Variants in TMTC2 observed in about 807,000 individuals in gnomAD.
TMTC2 encodes protein O-mannosyl-transferase TMTC2.
In TMTC2, 43 loss-of-function variants were observed where a neutral mutation model predicts 82.4. The observed-to-expected ratio is 0.52, with a 90% CI of 0.41 to 0.67. TMTC2 has a LOEUF of 0.67. TMTC2 is among the 30% of genes least tolerant of loss of function. The pLI is 0.00. For synonymous variants in TMTC2, 408 were observed against 381.9 expected (o/e 1.07, Z -0.80); for missense variants, 919 against 1,012.4 (o/e 0.91, Z 1.25).
intron 4 of TMTC2, among the ~76,000 whole-genome samples, chr12:82,942,790 A>G (rs1439243473): frequency 1.3e-5 from 2 of 152,194 alleles, no homozygotes; most frequent in African/African-American, 4.8e-5. Flanking sequence ...GAAGTCAGAA[A>G]GGATTTTATG....
At chr12:83,122,834 C>G (rs1171520928) in intron 11 of TMTC2, among the ~76,000 whole-genome samples, 2 of 152,170 alleles carry the variant, frequency 1.3e-5, no homozygotes, top group Non-Finnish European at 2.9e-5. Context: ...TCTAGTCCTG[C>G]CTCCCGTCTG....
intron 9 of TMTC2, among the ~76,000 whole-genome samples, chr12:83,035,049 T>A (rs747470344): frequency 2.6e-5 from 4 of 152,192 alleles, no homozygotes; most frequent in Non-Finnish European, 4.4e-5. Context: ...CAAATGCCAA[T>A]GAAAGTGCCA....
In TMTC2 at chr12:82,883,949, G is replaced by C. The variant is rs190870005; in HGVS notation, c.655-11869G>C. 2.4e-3 allele frequency among the ~76,000 whole-genome samples: 364 copies of C among 152,236 alleles called. 1 individual carries two copies. The highest frequency in any genetic ancestry group is 0.017 in the Middle Eastern group (5 of 294). ...TTCTTCACATATTTTCTTCATAAAG[G>C]CTGGATTGTTTTGTGGCTACCCTGA... On this transcript the variant is annotated intron_variant, in intron 2 of 11. Coordinates refer to ENST00000321196, the MANE Select transcript of TMTC2 (RefSeq NM_152588.3).
intron 11 of TMTC2, among the ~76,000 whole-genome samples, chr12:83,071,612 G>A (rs1042267718): frequency 1.3e-5 from 2 of 152,138 alleles, no homozygotes; most frequent in African/African-American, 4.8e-5. Flanking sequence ...ATTCTGCTGT[G>A]AATCTGTCTG....
chr12:83,106,131 A>G (rs1884384785), intron 11 of TMTC2, among the ~76,000 whole-genome samples: 1 of 152,338 alleles, frequency 6.6e-6, no homozygotes, highest in Non-Finnish European at 1.5e-5. Context: ...ACAGCGAAGG[A>G]AAATCAGGAA....
intron 4 of TMTC2, among the ~76,000 whole-genome samples, 175 bp downstream of exon 4, chr12:82,930,720 G>T (rs10746259): frequency 0.66 from 100,081 of 151,922 alleles, 34,650 homozygotes; most frequent in South Asian, 0.82. Context: ...CTTTGTTTCG[G>T]GCCACATCAT....
chr12:82,996,406 C>A (rs1312357927), intron 8 of TMTC2, among the ~76,000 whole-genome samples: 1 of 152,120 alleles, frequency 6.6e-6, no homozygotes, highest in Non-Finnish European at 1.5e-5. Context: ...CACTTACCTG[C>A]CTAGTAATTG....
chr12:83,075,578 T>G (rs1883261621), intron 11 of TMTC2, among the ~76,000 whole-genome samples: 1 of 152,224 alleles, frequency 6.6e-6, no homozygotes, highest in African/African-American at 2.4e-5. Flanking sequence ...CTTAGGTTTA[T>G]TCACACTTAC....
intron 8 of TMTC2, among the ~76,000 whole-genome samples, chr12:82,987,126 A>G (rs1413225738): frequency 6.6e-6 from 1 of 152,170 alleles, no homozygotes; most frequent in Non-Finnish European, 1.5e-5. Flanking sequence ...TATAATTGTC[A>G]AATATCCATT....
chr12:83,052,790 A>G (rs1203157001), intron 10 of TMTC2, among the ~76,000 whole-genome samples: 1 of 152,120 alleles, frequency 6.6e-6, no homozygotes, highest in East Asian at 1.9e-4. Context: ...GCTAGAAACC[A>G]GTGGAAAGTT....
intron 7 of TMTC2, among the ~76,000 whole-genome samples, chr12:82,970,452 C>T (rs1474168658): frequency 6.6e-6 from 1 of 151,608 alleles, no homozygotes; most frequent in Non-Finnish European, 1.5e-5. Context: ...CTGCCTCAGC[C>T]TCCCGAGTAG....
intron 11 of TMTC2, among the ~76,000 whole-genome samples, chr12:83,094,844 G>A (rs1463795362): frequency 6.6e-6 from 1 of 152,170 alleles, no homozygotes; most frequent in African/African-American, 2.4e-5. Flanking sequence ...ATATCTGATG[G>A]GAAAGAAAAT....
chr12:83,065,436 TAA>T (rs1173921242), intron 11 of TMTC2, among the ~76,000 whole-genome samples: 3 of 151,918 alleles, frequency 2.0e-5, no homozygotes, highest in Non-Finnish European at 4.4e-5. Context: ...CAGAGATGTT[TAA>T]TACCTTGTTG....
chr12:82,871,531 T>C (rs530742108), intron 2 of TMTC2, among the ~76,000 whole-genome samples: 1 of 152,292 alleles, frequency 6.6e-6, no homozygotes, highest in East Asian at 1.9e-4. Flanking sequence ...CAGACATGTA[T>C]ACAATAACTG....
At chr12:82,739,880 A>G (rs1875310715) in intron 1 of TMTC2, among the ~76,000 whole-genome samples, 1 of 151,378 alleles carries the variant, frequency 6.6e-6, no homozygotes, top group African/African-American at 2.4e-5. Context: ...TTGTAGAACC[A>G]GTATTGTTGT....
intron 1 of TMTC2, among the ~76,000 whole-genome samples, chr12:82,855,520 T>C (rs1871221274): frequency 6.6e-6 from 1 of 152,172 alleles, no homozygotes; most frequent in Non-Finnish European, 1.5e-5. Flanking sequence ...AGCCCTGATA[T>C]CAGACTAGGC....
At chr12:82,881,670 C>T (rs1170476448) in intron 2 of TMTC2, among the ~76,000 whole-genome samples, 1 of 152,188 alleles carries the variant, frequency 6.6e-6, no homozygotes, top group African/African-American at 2.4e-5. Flanking sequence ...GTCAACATAA[C>T]ATGAAATACT....
At chr12:83,017,988 T>C (rs921304420) in intron 8 of TMTC2, among the ~76,000 whole-genome samples, 1 of 148,666 alleles carries the variant, frequency 6.7e-6, no homozygotes, top group Non-Finnish European at 1.5e-5. Context: ...ATGTTCTTAA[T>C]AGCTGAAGCT....
intron 10 of TMTC2, among the ~76,000 whole-genome samples, chr12:83,059,841 CT>C (rs1172012445): frequency 1.3e-5 from 2 of 151,516 alleles, no homozygotes; most frequent in African/African-American, 4.8e-5. Flanking sequence ...AGTAGCTATA[CT>C]TTCCATGTTG....
Sources: allele counts gnomAD v4.1 joint callset (sites outside exome capture counted in the v4.1 genomes callset), GRCh38; gene constraint gnomAD v4.1.1; transcripts MANE v1.5; gene names NCBI Gene and HGNC (gene_info 2026-07-23, HGNC 2026-07-21).